Variants in CSNK2A2IP observed in about 807,000 individuals in gnomAD.
CSNK2A2IP encodes casein kinase II subunit alpha'-interacting protein.
chr3:88,421,536 C>A, the CSNK2A2IP span, among the ~76,000 whole-genome samples: 3 of 152,134 alleles, frequency 2.0e-5, no homozygotes, highest in Non-Finnish European at 4.4e-5. Flanking sequence ...CCTACCTCAG[C>A]CTCAAGTAGT....
chr3:88,445,191 C>T, the CSNK2A2IP span, among the ~76,000 whole-genome samples: 20 of 146,782 alleles, frequency 1.4e-4, no homozygotes, highest in South Asian at 4.3e-4. Flanking sequence ...CACTTTGGGA[C>T]GCTGAGGCGG....
At chr3:88,397,501 A>G in the CSNK2A2IP span, among the ~76,000 whole-genome samples, 1 of 152,182 alleles carries the variant, frequency 6.6e-6, no homozygotes, top group Non-Finnish European at 1.5e-5. Context: ...ATGTAACACT[A>G]CAAAATTGAC....
At chr3:88,420,158 A>G in the CSNK2A2IP span, among the ~76,000 whole-genome samples, 1 of 152,136 alleles carries the variant, frequency 6.6e-6, no homozygotes, top group South Asian at 2.1e-4. Context: ...TAGCTGGTCT[A>G]CTCTAGAACA....
the CSNK2A2IP span, among the ~76,000 whole-genome samples, chr3:88,432,814 A>G: frequency 2.0e-5 from 3 of 150,920 alleles, no homozygotes; most frequent in African/African-American, 7.3e-5. Context: ...ATAATATTAT[A>G]ATATAAATCC....
the CSNK2A2IP span, chr3:88,399,475 A>T: frequency 6.6e-6 from 1 of 152,304 alleles, no homozygotes; most frequent in South Asian, 2.1e-4. Context: ...ACAGACCAAT[A>T]AGAGTTTAAC....
At chr3:88,455,682 T>C in the CSNK2A2IP span, among the ~76,000 whole-genome samples, 1 of 152,076 alleles carries the variant, frequency 6.6e-6, no homozygotes, top group East Asian at 1.9e-4. Context: ...GTTTCCTTTG[T>C]TATGCAAGAA....
At chr3:88,399,132 T>C in the CSNK2A2IP span, among the ~76,000 whole-genome samples, 1 of 152,264 alleles carries the variant, frequency 6.6e-6, no homozygotes, top group Admixed American at 6.5e-5. Context: ...AATGAGGCCA[T>C]TTTTGAGGGA....
chr3:88,413,688 A>G, the CSNK2A2IP span, among the ~76,000 whole-genome samples: 1 of 151,980 alleles, frequency 6.6e-6, no homozygotes, highest in African/African-American at 2.4e-5. Flanking sequence ...AACAAATCAT[A>G]TAGGTTTTTC....
the CSNK2A2IP span, among the ~76,000 whole-genome samples, chr3:88,402,787 C>T: frequency 6.6e-6 from 1 of 151,906 alleles, no homozygotes. Flanking sequence ...TGATTATATC[C>T]AGAATGTAAG....
the CSNK2A2IP span, among the ~76,000 whole-genome samples, chr3:88,451,003 C>T: frequency 3.3e-5 from 5 of 152,016 alleles, no homozygotes; most frequent in Admixed American, 6.6e-5. Context: ...CCAGCTTTGC[C>T]AACATTTGTT....
chr3:88,367,265 G>T, the CSNK2A2IP span, among the ~76,000 whole-genome samples: 1 of 151,994 alleles, frequency 6.6e-6, no homozygotes, highest in Admixed American at 6.6e-5. Context: ...AAATAGTTTT[G>T]GGGGAAGCCA....
At chr3:88,373,603 T>TA in the CSNK2A2IP span, among the ~76,000 whole-genome samples, 263 of 143,736 alleles carry the variant, frequency 1.8e-3, 2 homozygotes, top group African/African-American at 6.3e-3. Context: ...GTAATGAAAG[T>TA]AAAAAAAAAA....
chr3:88,414,571 G>T, the CSNK2A2IP span, among the ~76,000 whole-genome samples: 1 of 151,844 alleles, frequency 6.6e-6, no homozygotes, highest in Admixed American at 6.6e-5. Context: ...ATGAGCCACA[G>T]CACCTAGGCC....
chr3:88,444,274 T>C, the CSNK2A2IP span, among the ~76,000 whole-genome samples: 1 of 152,112 alleles, frequency 6.6e-6, no homozygotes, highest in Non-Finnish European at 1.5e-5. Context: ...AAATTACATT[T>C]ATCTTTAAAA....
the CSNK2A2IP span, among the ~76,000 whole-genome samples, chr3:88,370,917 C>T: frequency 2.0e-5 from 3 of 151,636 alleles, no homozygotes; most frequent in East Asian, 1.9e-4. Context: ...TCTCCTTGCA[C>T]GCACATAGAG....
At chr3:88,421,230 T>C in the CSNK2A2IP span, among the ~76,000 whole-genome samples, 1 of 152,104 alleles carries the variant, frequency 6.6e-6, no homozygotes. Flanking sequence ...TTATGATTAT[T>C]ATTTATTATG....
At chr3:88,389,394 C>A in the CSNK2A2IP span, among the ~76,000 whole-genome samples, 6 of 152,046 alleles carry the variant, frequency 3.9e-5, no homozygotes, top group Admixed American at 1.3e-4. Context: ...CTTGAGGAAC[C>A]GCTGGAAAGC....
At chr3:88,430,140 TTGCTTTAC>T in the CSNK2A2IP span, among the ~76,000 whole-genome samples, 2 of 152,228 alleles carry the variant, frequency 1.3e-5, no homozygotes, top group East Asian at 3.9e-4. Flanking sequence ...TCCTTGGCTA[TTGCTTTAC>T]ATGCATGATG....
At chr3:88,400,007 G>A in the CSNK2A2IP span, among the ~76,000 whole-genome samples, 1,354 of 152,214 alleles carry the variant, frequency 8.9e-3, 14 homozygotes, top group Non-Finnish European at 0.012. Flanking sequence ...CGTAATAGAA[G>A]CATCATAAAA....
Sources: gnomAD v4.1 joint callset for allele counts (sites outside exome capture counted in the v4.1 genomes callset) on GRCh38, gnomAD v4.1.1 for gene constraint, MANE v1.5 for transcripts, NCBI Gene and HGNC (gene_info 2026-07-23, HGNC 2026-07-21) for gene names.